The following USP35 variants were observed in gnomAD, a reference collection of about 807,000 sequenced individuals.
USP35 encodes ubiquitin carboxyl-terminal hydrolase 35.
In USP35, 69 loss-of-function variants were observed where a neutral mutation model predicts 83.8. The ratio of observed to expected loss-of-function variants is 0.82; its 90% CI spans 0.68 to 1.01. USP35 has a LOEUF of 1.01. USP35 is among the 50% of genes least tolerant of loss of function. The pLI is 0.00. For synonymous variants in USP35, 714 were observed against 589.5 expected (o/e 1.21, Z -3.06); for missense variants, 1,503 against 1,362.5 (o/e 1.10, Z -1.62).
At chr11:78,231,337 G>GT in the USP35 span, among the ~76,000 whole-genome samples, 7 of 24,028 alleles carry the variant, frequency 2.9e-4, no homozygotes, top group Non-Finnish European at 4.6e-4. Context: ...CGCGTGTGTG[G>GT]TGTGTGTGTG....
chr11:78,204,126 G>A (rs1241061726), intron 6 of USP35, among the ~76,000 whole-genome samples: 3 of 151,904 alleles, frequency 2.0e-5, no homozygotes, highest in African/African-American at 4.8e-5. Flanking sequence ...TCCTGACCTC[G>A]TGATCCGCCC....
intron 7 of USP35, 36 bp downstream of exon 7, chr11:78,206,071 C>T: frequency 6.3e-7 from 1 of 1,591,272 alleles, no homozygotes; most frequent in Middle Eastern, 1.7e-4. Context: ...TCTGCCCTTG[C>T]TTCTCTCCTC....
chr11:78,232,487 C>CT, the USP35 span, among the ~76,000 whole-genome samples: 1 of 152,190 alleles, frequency 6.6e-6, no homozygotes, highest in African/African-American at 2.4e-5. Context: ...AAAAAGAACT[C>CT]TATTTGTCTT....
intron 1 of USP35, among the ~76,000 whole-genome samples, chr11:78,189,761 C>T (rs998731304): frequency 6.6e-6 from 1 of 152,190 alleles, no homozygotes; most frequent in African/African-American, 2.4e-5. Context: ...TGCTTTCTTC[C>T]CTTCTCTCTC....
In USP35 at chr11:78,213,790, G is replaced by GACTT; in HGVS notation, c.3035_3038dup (p.Phe1013LeufsTer10). On this transcript the variant is annotated frameshift_variant, in exon 11 of 11. Coordinates refer to ENST00000529308, the MANE Select transcript of USP35 (RefSeq NM_020798.4). LOFTEE classifies it high-confidence loss of function. Reference sequence around the variant, plus strand: ...CAATCCTGCAGGTGGCAATGGTGGTGACTTCCACAGACTGGTCTTCTAATG... The same window carrying GACTT: ...CAATCCTGCAGGTGGCAATGGTGGTGACTTACTTCCACAGACTGGTCTTCTAATG... 2 of 1,551,342 alleles carry GACTT rather than the reference G, an allele frequency of 1.3e-6. No homozygotes were observed. Among genetic ancestry groups the GACTT allele is most frequent in the East Asian group, 5.1e-5 (2 of 39,422 alleles).
rs1565408552 is a variant in USP35 at position 78,214,584 on chromosome 11, G to A, written c.*771G>A. The stretch of plus-strand genomic sequence containing the variant: ...CTCCTCTGAGCAGTTGGCCTTTGTA[G>A]CTGCAACAGCAGCCACCTGCAGGTT... On this transcript the variant is annotated 3_prime_UTR_variant, in exon 11 of 11. Coordinates refer to ENST00000529308, the MANE Select transcript of USP35 (RefSeq NM_020798.4). 1 of 152,280 alleles carries A rather than the reference G, an allele frequency of 6.6e-6. No individual in the cohort carries two copies. Among genetic ancestry groups the A allele is most frequent in the Non-Finnish European group, 1.5e-5 (1 of 68,070 alleles). The allele number at this position is 152,280 out of a possible 1,614,324, so 9.4% of individuals were successfully genotyped here.
chr11:78,215,616 AAT>A (rs1037003092), downstream of USP35: 32 of 152,430 alleles, frequency 2.1e-4, no homozygotes, highest in African/African-American at 7.5e-4. Context: ...TTCTGCGTGA[AAT>A]AATTCTAGAT....
chr11:78,231,278 G>A, the USP35 span, among the ~76,000 whole-genome samples: 1 of 152,012 alleles, frequency 6.6e-6, no homozygotes, highest in African/African-American at 2.4e-5. Flanking sequence ...TCTTCCAGAG[G>A]CTATAGAGGC....
chr11:78,208,016 C>T (rs1452446213), intron 8 of USP35, among the ~76,000 whole-genome samples: 9 of 152,304 alleles, frequency 5.9e-5, no homozygotes, highest in Middle Eastern at 3.4e-3. Flanking sequence ...GGCCTTCTTG[C>T]TGCATTATAA....
chr11:78,193,583 C>T (rs1233708992), intron 1 of USP35, among the ~76,000 whole-genome samples: 1 of 152,136 alleles, frequency 6.6e-6, no homozygotes, highest in African/African-American at 2.4e-5. Context: ...ACATTTCTGC[C>T]TCCCCCATCT....
chr11:78,215,044 C>G lies in USP35; in HGVS notation c.*1231C>G, dbSNP rs2134435413. On this transcript the variant is annotated 3_prime_UTR_variant, in exon 11 of 11. Coordinates refer to ENST00000529308, the MANE Select transcript of USP35 (RefSeq NM_020798.4). ...GTCACAGACCCTCAAGATGTCACAT[C>G]TAAGTGACCTGTGAAAGCAGCAGAC... Among the ~76,000 whole-genome samples the G allele has an allele frequency of 6.6e-6, 1 of 152,222 alleles. No homozygotes were observed. The highest frequency in any genetic ancestry group is 2.1e-4 in the South Asian group (1 of 4,826).
At chr11:78,205,456 C>G (rs1241979649) in intron 6 of USP35, among the ~76,000 whole-genome samples, 1 of 152,228 alleles carries the variant, frequency 6.6e-6, no homozygotes, top group Non-Finnish European at 1.5e-5. Flanking sequence ...GCACTGACAT[C>G]CTGACATTAC....
At chr11:78,224,938 C>CT in the USP35 span, among the ~76,000 whole-genome samples, 1 of 152,176 alleles carries the variant, frequency 6.6e-6, no homozygotes, top group African/African-American at 2.4e-5. Flanking sequence ...ATACTTATAT[C>CT]TTACTTGTCC....
At chr11:78,229,482 A>T in the USP35 span, among the ~76,000 whole-genome samples, 3 of 152,036 alleles carry the variant, frequency 2.0e-5, no homozygotes, top group African/African-American at 7.2e-5. Context: ...TCAAGAATGA[A>T]CTCATCATCT....
chr11:78,190,366 T>C (rs924673350), intron 1 of USP35, among the ~76,000 whole-genome samples: 8 of 152,208 alleles, frequency 5.3e-5, no homozygotes, highest in Non-Finnish European at 1.2e-4. Context: ...GACTGATGTT[T>C]AAGATTTTCA....
the USP35 span, among the ~76,000 whole-genome samples, chr11:78,233,684 GC>G: frequency 6.6e-6 from 1 of 152,138 alleles, no homozygotes; most frequent in Admixed American, 6.5e-5. Context: ...TTGGCTCACT[GC>G]AACCTCCACC....
chr11:78,206,173 C>G (rs1360256763), intron 7 of USP35, 138 bp downstream of exon 7: 7 of 1,169,386 alleles, frequency 6.0e-6, no homozygotes, highest in African/African-American at 1.5e-5. Context: ...TCCCTGAGGT[C>G]TGTGGGGACA....
chr11:78,221,681 G>T, the USP35 span: 2 of 1,605,786 alleles, frequency 1.2e-6, no homozygotes, highest in Non-Finnish European at 1.7e-6. Context: ...ACTCACCATA[G>T]GGACATAGTT....
chr11:78,198,686 T>G (rs1158159297), intron 3 of USP35: 1 of 985,292 alleles, frequency 1.0e-6, no homozygotes, highest in African/African-American at 1.7e-5. Flanking sequence ...CTGGATTCCT[T>G]GCCTTTAGTG....
Sources: gnomAD v4.1 joint callset for allele counts (sites outside exome capture counted in the v4.1 genomes callset) on GRCh38, gnomAD v4.1.1 for gene constraint, MANE v1.5 for transcripts, NCBI Gene and HGNC (gene_info 2026-07-23, HGNC 2026-07-21) for gene names.